Variants in GRXCR1 observed in about 807,000 individuals in gnomAD.
GRXCR1 encodes the protein glutaredoxin and cysteine rich domain containing 1, also known as glutaredoxin domain-containing cysteine-rich protein 1.
A neutral mutation model predicts 27.3 loss-of-function variants in GRXCR1; 27 were observed. That is an observed-to-expected ratio of 0.99 (90% CI 0.73 to 1.37). The LOEUF is 1.37. Ranked by LOEUF, GRXCR1 falls within the 40% of genes most tolerant of loss-of-function variation. The pLI, the probability that GRXCR1 is intolerant of heterozygous loss-of-function variation, is 0.00. For synonymous variants in GRXCR1, 122 were observed against 131.1 expected (o/e 0.93, Z 0.47); for missense variants, 379 against 354.4 (o/e 1.07, Z -0.56).
At chr4:43,014,619 T>A (rs974820416) in intron 2 of GRXCR1, among the ~76,000 whole-genome samples, 1 of 152,138 alleles carries the variant, frequency 6.6e-6, no homozygotes, top group East Asian at 1.9e-4. Context: ...GCGATAGAAG[T>A]CATTTATATA....
At chr4:42,941,869 G>A (rs528124121) in intron 1 of GRXCR1, among the ~76,000 whole-genome samples, 1 of 151,972 alleles carries the variant, frequency 6.6e-6, no homozygotes, top group African/African-American at 2.4e-5. Context: ...AACAAACAGA[G>A]TTAAGGTATG....
chr4:42,904,604 G>T (rs1438148801), intron 1 of GRXCR1, among the ~76,000 whole-genome samples: 2 of 152,040 alleles, frequency 1.3e-5, no homozygotes. Context: ...GGTCAAATGG[G>T]GATAATGGTT....
intron 1 of GRXCR1, among the ~76,000 whole-genome samples, chr4:42,929,566 TG>T (rs1747256780): frequency 6.6e-6 from 1 of 151,926 alleles, no homozygotes; most frequent in Non-Finnish European, 1.5e-5. Flanking sequence ...TGTATTTATT[TG>T]GGGAGGATTT....
intron 2 of GRXCR1, among the ~76,000 whole-genome samples, chr4:43,002,187 T>A (rs142643563): frequency 1.4e-5 from 2 of 141,256 alleles, no homozygotes; most frequent in African/African-American, 5.2e-5. Context: ...CCTCTTTTAC[T>A]AATCCACCTC....
intron 1 of GRXCR1, among the ~76,000 whole-genome samples, chr4:42,922,081 A>T (rs1747025083): frequency 6.6e-6 from 1 of 152,178 alleles, no homozygotes; most frequent in East Asian, 1.9e-4. Context: ...CTGTCTAAAT[A>T]TTAAGAAGTT....
At chr4:42,906,863 A>G (rs1746607864) in intron 1 of GRXCR1, among the ~76,000 whole-genome samples, 2 of 152,162 alleles carry the variant, frequency 1.3e-5, no homozygotes, top group South Asian at 4.1e-4. Flanking sequence ...AATTTAAAGG[A>G]CAATGAAAAA....
At chr4:42,924,754 A>C (rs1454430752) in intron 1 of GRXCR1, among the ~76,000 whole-genome samples, 4 of 152,198 alleles carry the variant, frequency 2.6e-5, no homozygotes, top group African/African-American at 9.6e-5. Flanking sequence ...TAAATGCATA[A>C]TGTACCATCA....
intron 1 of GRXCR1, among the ~76,000 whole-genome samples, chr4:42,895,943 C>T (rs1746338797): frequency 6.6e-6 from 1 of 152,102 alleles, no homozygotes; most frequent in Non-Finnish European, 1.5e-5. Context: ...ATTTAGTAAT[C>T]TCCCTCAGGG....
chr4:43,004,965 A>G (rs552392329), intron 2 of GRXCR1, among the ~76,000 whole-genome samples: 4 of 152,162 alleles, frequency 2.6e-5, no homozygotes, highest in Non-Finnish European at 4.4e-5. Context: ...GGGTGGAATG[A>G]CATGGTTTGG....
chr4:42,896,188 C>T (rs371108625), intron 1 of GRXCR1, among the ~76,000 whole-genome samples: 1 of 152,126 alleles, frequency 6.6e-6, no homozygotes, highest in African/African-American at 2.4e-5. Flanking sequence ...TCTTTTATCC[C>T]TGTCTCATAA....
At position 42,987,250 on chromosome 4, in the gene GRXCR1, TATATATATATA is replaced by T. The variant is rs1469278664; in HGVS notation, c.627+24128_627+24138del. On this transcript the variant is annotated intron_variant, in intron 2 of 3. Coordinates refer to ENST00000399770, the MANE Select transcript of GRXCR1 (RefSeq NM_001080476.3). ...TATATTATATATATATAATATATAA[TATATATATATA>T]ATATATATATATATATAGAGAGAGA... Among the ~76,000 whole-genome samples, 9 of 78,552 alleles carry T rather than the reference TATATATATATA, an allele frequency of 1.1e-4. 1 individual carries two copies. Among genetic ancestry groups the T allele is most frequent in the African/African-American group, 4.6e-4 (9 of 19,704 alleles). 51.5% of individuals were successfully genotyped at this position (78,552 alleles called of 152,430 possible). A position where few individuals can be genotyped will look rare whatever the true frequency, so the allele number is the denominator to read the frequency against.
chr4:43,021,566 T>C (rs1247396877), intron 3 of GRXCR1, among the ~76,000 whole-genome samples: 4 of 152,310 alleles, frequency 2.6e-5, no homozygotes, highest in Non-Finnish European at 5.9e-5. Context: ...TGTTTACAGG[T>C]ACTTTGCTAA....
chr4:42,935,905 C>T (rs1177412864), intron 1 of GRXCR1, among the ~76,000 whole-genome samples: 1 of 151,844 alleles, frequency 6.6e-6, no homozygotes, highest in Non-Finnish European at 1.5e-5. Context: ...ATGTTCCAGT[C>T]TTTTACACTA....
At chr4:42,947,997 A>G (rs182857095) in intron 1 of GRXCR1, among the ~76,000 whole-genome samples, 1 of 152,300 alleles carries the variant, frequency 6.6e-6, no homozygotes, top group Admixed American at 6.5e-5. Context: ...ATTTGGGGAA[A>G]TTGCAGAAGA....
intron 2 of GRXCR1, among the ~76,000 whole-genome samples, chr4:43,003,149 C>G (rs1030765038): frequency 3.3e-5 from 5 of 152,138 alleles, no homozygotes; most frequent in Admixed American, 6.6e-5. Flanking sequence ...GCCTGTAGAA[C>G]TGTTAGTCAC....
At chr4:42,929,925 G>C (rs1249242274) in intron 1 of GRXCR1, among the ~76,000 whole-genome samples, 1 of 151,748 alleles carries the variant, frequency 6.6e-6, no homozygotes, top group Non-Finnish European at 1.5e-5. Flanking sequence ...CCATTTTAGG[G>C]GTAAGGAAAC....
At chr4:42,999,529 A>G (rs1405153132) in intron 2 of GRXCR1, among the ~76,000 whole-genome samples, 4 of 152,124 alleles carry the variant, frequency 2.6e-5, no homozygotes, top group Admixed American at 2.6e-4. Flanking sequence ...GTAAAAACAA[A>G]GCATCTTTCT....
intron 2 of GRXCR1, among the ~76,000 whole-genome samples, chr4:42,964,582 A>T (rs1202151644): frequency 2.6e-5 from 4 of 152,030 alleles, no homozygotes; most frequent in Admixed American, 1.3e-4. Context: ...TTGCAAAAGA[A>T]AACATTAATT....
At chr4:42,917,179 C>T (rs558362730) in intron 1 of GRXCR1, among the ~76,000 whole-genome samples, 1 of 152,056 alleles carries the variant, frequency 6.6e-6, no homozygotes, top group Non-Finnish European at 1.5e-5. Flanking sequence ...CTATCTATTT[C>T]TCTGTCTATC....
Sources: gnomAD v4.1 joint callset for allele counts (sites outside exome capture counted in the v4.1 genomes callset) on GRCh38, gnomAD v4.1.1 for gene constraint, MANE v1.5 for transcripts, NCBI Gene and HGNC (gene_info 2026-07-23, HGNC 2026-07-21) for gene names.